CCDC174: variants seen among roughly 807,000 people sequenced by gnomAD.
CCDC174 encodes the protein coiled-coil domain-containing protein 174.
Under a neutral mutation model 57.1 loss-of-function variants are expected in CCDC174, and 37 were observed. The ratio of observed to expected loss-of-function variants is 0.65; its 90% confidence interval spans 0.50 to 0.85. The LOEUF (loss-of-function observed/expected upper bound fraction) is 0.85, where lower values mean the gene tolerates loss of function less well. Ranked by LOEUF, CCDC174 falls within the 40% of genes least tolerant of loss-of-function variation. CCDC174 has a pLI of 0.00. For missense variants in CCDC174, 540 were observed against 574.3 expected (o/e 0.94, Z 0.61); for synonymous variants, 182 against 190.2 (o/e 0.96, Z 0.35).
chr3:14,657,385 G>A (rs896953062), intron 3 of CCDC174, among the ~76,000 whole-genome samples: 31 of 152,310 alleles, frequency 2.0e-4, no homozygotes, highest in African/African-American at 7.0e-4. Flanking sequence ...GTCCTTCAGG[G>A]AATTAAAGGA....
chr3:14,666,400 A>G (rs924285485), intron 6 of CCDC174, among the ~76,000 whole-genome samples: 1 of 152,212 alleles, frequency 6.6e-6, no homozygotes, highest in African/African-American at 2.4e-5. Context: ...AGGCAGGCGG[A>G]TCTCCTGAGA....
rs1317211303 is a variant in CCDC174 at position 14,654,529 on chromosome 3, A to G, written c.146A>G (p.Lys49Arg). The change falls in exon 2 of 11, where the codon AAG becomes AGG. Residue 49 changes from lysine to arginine, a missense_variant and splice_region_variant. Transcript: ENST00000383794. Reference protein sequence around the residue: ...GVFGKPKTTNKKPSIWSKQNV... With the variant: ...GVFGKPKTTNRKPSIWSKQNV... The stretch of plus-strand genomic sequence containing the variant: ...TTTGGAAAACCAAAAACAACTAACA[A>G]GGTAAAAAATAAGATCTAATTATCT... 2.8e-6 allele frequency: 4 copies of G among 1,429,992 alleles called. No individual in the cohort carries two copies. The highest frequency in any genetic ancestry group is 3.9e-6 in the Non-Finnish European group (4 of 1,022,900). 88.6% of individuals were successfully genotyped at this position (1,429,992 alleles called of 1,614,324 possible).
intron 5 of CCDC174, among the ~76,000 whole-genome samples, chr3:14,663,510 C>T (rs2031221073): frequency 6.6e-6 from 1 of 152,192 alleles, no homozygotes; most frequent in Non-Finnish European, 1.5e-5. Flanking sequence ...GCCTTAACTT[C>T]CCTAGACCCT....
At position 14,668,195 on chromosome 3, in the gene CCDC174, A is replaced by G. The variant is rs764862859; in HGVS notation, c.952+14A>G. 47 of 1,584,144 alleles carry G rather than the reference A, an allele frequency of 3.0e-5. No homozygotes were observed. Among genetic ancestry groups the G allele is most frequent in the Non-Finnish European group, 4.0e-5 (47 of 1,169,770 alleles). ...AAGAAAATAGAGGTATATCATGGCT[A>G]TGTTGCTGAACTTCAAAAGGGAAAA... is the stretch of plus-strand genomic sequence containing the variant. On this transcript the variant is annotated intron_variant, in intron 9 of 10. Coordinates refer to ENST00000383794, the MANE Select transcript of CCDC174 (RefSeq NM_016474.5).
chr3:14,664,944 C>T (rs1261807988), intron 5 of CCDC174, 84 bp from the exon 6 acceptor site: 1 of 932,134 alleles, frequency 1.1e-6, no homozygotes, highest in South Asian at 1.3e-5. Context: ...CCTATCTTCC[C>T]CCTTCACTGT....
At chr3:14,670,356 T>C (rs1015130266) in intron 10 of CCDC174, among the ~76,000 whole-genome samples, 17 of 152,354 alleles carry the variant, frequency 1.1e-4, no homozygotes, top group Admixed American at 8.5e-4. Context: ...CATTGGGGAA[T>C]TTCCCTGGAC....
intron 3 of CCDC174, among the ~76,000 whole-genome samples, chr3:14,658,411 A>G (rs1040934731): frequency 6.6e-6 from 1 of 152,260 alleles, no homozygotes; most frequent in Non-Finnish European, 1.5e-5. Context: ...TTTCCAGAAT[A>G]AAGAATTGCT....
intron 4 of CCDC174, among the ~76,000 whole-genome samples, chr3:14,659,926 G>A (rs1480227647): frequency 6.6e-6 from 1 of 152,184 alleles, no homozygotes; most frequent in Non-Finnish European, 1.5e-5. Flanking sequence ...GGTCAACAGA[G>A]TCACCTAGCC....
intron 3 of CCDC174, 83 bp downstream of exon 3, chr3:14,655,712 G>C: frequency 1.2e-6 from 1 of 813,040 alleles, no homozygotes; most frequent in Non-Finnish European, 1.9e-6. Context: ...TGTCCTTTTT[G>C]ATTTACAAAT....
chr3:14,666,908 C>A lies in CCDC174; in HGVS notation c.685C>A (p.Pro229Thr). 1 of 1,601,234 alleles carries A rather than the reference C, an allele frequency of 6.2e-7. No homozygotes were observed. Among genetic ancestry groups the A allele is most frequent in the African/African-American group, 1.4e-5 (1 of 73,740 alleles). The change falls in exon 7 of 11, where the codon CCC (proline) becomes ACC (threonine). Residue 229 changes from proline to threonine, a missense_variant. Pro to Thr is a conservative substitution (Grantham distance 38). Coordinates refer to ENST00000383794, the MANE Select transcript of CCDC174 (RefSeq NM_016474.5). ...EEEEREALKR[P>T]MGPVHYEDIR... ...AGAAGAAAGAGAGGCCCTGAAGAGG[C>A]CCATGGGGCCCGTACATTATGAAGA...
At chr3:14,663,006 C>T (rs535389160) in intron 5 of CCDC174, among the ~76,000 whole-genome samples, 4 of 152,288 alleles carry the variant, frequency 2.6e-5, no homozygotes, top group South Asian at 4.1e-4. Flanking sequence ...GAAGAACATG[C>T]AGTCTCTTCT....
intron 1 of CCDC174, among the ~76,000 whole-genome samples, chr3:14,652,749 A>G (rs1214283847): frequency 2.6e-5 from 4 of 152,134 alleles, no homozygotes; most frequent in Non-Finnish European, 5.9e-5. Flanking sequence ...TAAAAATAAA[A>G]AAATTAGCCG....
chr3:14,669,816 G>A (rs2031455486), intron 9 of CCDC174, 118 bp from the exon 10 acceptor site: 5 of 939,508 alleles, frequency 5.3e-6, no homozygotes, highest in Non-Finnish European at 8.1e-6. Context: ...CCTGGGACAT[G>A]TTAGGTACTT....
At chr3:14,659,622 G>A (rs2031062073) in intron 4 of CCDC174, among the ~76,000 whole-genome samples, 1 of 152,016 alleles carries the variant, frequency 6.6e-6, no homozygotes, top group Non-Finnish European at 1.5e-5. Flanking sequence ...AGATTACAGT[G>A]AGCTGTTGAT....
intron 5 of CCDC174, 53 bp from the exon 6 acceptor site, chr3:14,664,975 G>C (rs1575071889): frequency 1.5e-6 from 2 of 1,315,078 alleles, no homozygotes; most frequent in East Asian, 2.3e-5. Flanking sequence ...CCTGACTTAG[G>C]GGCTTGTACA....
chr3:14,666,823 T>C lies in CCDC174; in HGVS notation c.600T>C (p.Asn200=), dbSNP rs1178187900. The C allele has an allele frequency of 6.3e-7, 1 of 1,581,290 alleles. No individual in the cohort carries two copies. The highest frequency in any genetic ancestry group is 8.5e-7 in the Non-Finnish European group (1 of 1,171,778). The stretch of plus-strand genomic sequence containing the variant: ...CTGCTAGTTTTATTAGTCCTGCTAA[T>C]GAAAAAACCCTATTATCTGAAGATA... ...LQGRLFISPA[N]EKTLLSEDMR... is the part of the protein sequence containing the mutation. The change falls in exon 7 of 11, where the codon AAT becomes AAC. Residue 200 remains asparagine, a synonymous_variant. Coordinates refer to ENST00000383794, the MANE Select transcript of CCDC174 (RefSeq NM_016474.5).
In CCDC174 at chr3:14,661,617, G is replaced by C; in HGVS notation, c.395G>C (p.Arg132Thr). ...RKEMEASGAH[R>T]DSQKAGERDD... ...GAAATGGAGGCATCTGGTGCCCATA[G>C]AGATTCTCAAAAGGCAGGAGAAAGG... Residue 132 changes from arginine (R) to threonine (T), a missense_variant, in exon 5 of 11, where the codon AGA becomes ACA. Physicochemically the swap from Arg to Thr is moderately conservative, Grantham distance 71. Transcript: ENST00000383794. 1.2e-6 allele frequency: 2 copies of C among 1,614,196 alleles called. No individual in the cohort carries two copies. Among genetic ancestry groups the C allele is most frequent in the Non-Finnish European group, 1.7e-6 (2 of 1,180,020 alleles).
chr3:14,660,915 GTGTT>G (rs2031111207), intron 4 of CCDC174, among the ~76,000 whole-genome samples: 1 of 151,886 alleles, frequency 6.6e-6, no homozygotes, highest in Non-Finnish European at 1.5e-5. Context: ...CTTTCAGTGT[GTGTT>G]TTAGCTCCTC....
chr3:14,666,375 C>A (rs1455473187), intron 6 of CCDC174, among the ~76,000 whole-genome samples: 15 of 152,174 alleles, frequency 9.9e-5, no homozygotes, highest in Admixed American at 9.8e-4. Context: ...GTAATCCCAG[C>A]ACTTTGGGAG....
Sources: allele counts gnomAD v4.1 joint callset (sites outside exome capture counted in the v4.1 genomes callset), GRCh38; gene constraint gnomAD v4.1.1; transcripts MANE v1.5; gene names NCBI Gene and HGNC (gene_info 2026-07-23, HGNC 2026-07-21).